Variants in ELK3 observed in about 807,000 individuals in gnomAD.
ELK3 encodes the protein ETS domain-containing protein Elk-3.
ELK3 carries 10 observed loss-of-function variants against 28.9 expected under a neutral mutation model. The observed-to-expected ratio is 0.35, with a 90% confidence interval of 0.21 to 0.59. The LOEUF (loss-of-function observed/expected upper bound fraction) is 0.59. Ranked by LOEUF, ELK3 falls within the 20% of genes least tolerant of loss-of-function variation. The pLI, the probability that ELK3 is intolerant of heterozygous loss-of-function variation, is 0.82. For missense variants in ELK3, 463 were observed against 517.3 expected (o/e 0.90, Z 1.02); for synonymous variants, 272 against 243.5 (o/e 1.12, Z -1.09).
rs1462773010 is a variant in ELK3 at position 96,268,134 on chromosome 12, T to C, written c.*954T>C. 1 of 152,212 alleles carries C rather than the reference T, an allele frequency of 6.6e-6. No homozygotes were observed. The highest frequency in any genetic ancestry group is 1.5e-5 in the Non-Finnish European group (1 of 68,034). The allele number at this position is 152,212 out of a possible 1,614,324, so 9.4% of individuals were successfully genotyped here. ...GGAACTATAATTAACATTTAAAAAA[T>C]CTAATGCTTTAGAAGAAGCTCACAG... is the stretch of plus-strand genomic sequence containing the variant. On this transcript the variant is annotated 3_prime_UTR_variant, in exon 5 of 5. Coordinates refer to ENST00000228741, the MANE Select transcript of ELK3 (RefSeq NM_005230.4).
chr12:96,243,633 G>A (rs551438214), intron 2 of ELK3, among the ~76,000 whole-genome samples: 1 of 152,030 alleles, frequency 6.6e-6, no homozygotes. Context: ...GGCAGATCAC[G>A]AGGTCAGGAG....
intron 2 of ELK3, among the ~76,000 whole-genome samples, chr12:96,234,280 G>A (rs149223752): frequency 0.012 from 1,904 of 152,330 alleles, 19 homozygotes; most frequent in Non-Finnish European, 0.02. Flanking sequence ...TCAACACTGT[G>A]TTGATGAGGA....
intron 2 of ELK3, among the ~76,000 whole-genome samples, chr12:96,228,610 A>G (rs1034707467): frequency 6.6e-6 from 1 of 151,962 alleles, no homozygotes; most frequent in Non-Finnish European, 1.5e-5. Flanking sequence ...TCAGTTGCTT[A>G]TTTTCATATA....
chr12:96,214,185 C>G (rs1951594733), intron 1 of ELK3, among the ~76,000 whole-genome samples: 1 of 152,028 alleles, frequency 6.6e-6, no homozygotes, highest in Non-Finnish European at 1.5e-5. Flanking sequence ...AATCCCAGCA[C>G]TTTGGGAGGC....
At position 96,203,954 on chromosome 12, in the gene ELK3, A is replaced by G. The variant is rs755320584; in HGVS notation, c.-3+9249A>G. On this transcript the variant is annotated intron_variant, in intron 1 of 4. Coordinates refer to ENST00000228741, the MANE Select transcript of ELK3 (RefSeq NM_005230.4). ...AGACTGTGTCTCAAAATGAAAACCC[A>G]TAAAGACAGCCAAAAAGCTCCTCTA... 3.3e-5 allele frequency among the ~76,000 whole-genome samples: 5 copies of G among 152,194 alleles called. No homozygotes were observed. The East Asian group carries it at 5.8e-4, about 18-fold the overall frequency.
At chr12:96,213,314 A>ATCTT (rs1951589499) in intron 1 of ELK3, among the ~76,000 whole-genome samples, 1 of 152,204 alleles carries the variant, frequency 6.6e-6, no homozygotes, top group African/African-American at 2.4e-5. Context: ...TAAGCCCAGA[A>ATCTT]AGAACAAACT....
intron 4 of ELK3, among the ~76,000 whole-genome samples, chr12:96,263,795 G>A (rs1021046657): frequency 2.0e-5 from 3 of 152,146 alleles, no homozygotes; most frequent in Non-Finnish European, 4.4e-5. Context: ...TAGGAGATAA[G>A]GTTGGAAACG....
At chr12:96,215,871 C>T (rs902112941) in intron 1 of ELK3, among the ~76,000 whole-genome samples, 1 of 151,992 alleles carries the variant, frequency 6.6e-6, no homozygotes, top group Non-Finnish European at 1.5e-5. Flanking sequence ...TGGGCTCAAG[C>T]GATCCACCCA....
chr12:96,203,477 G>C (rs771266867), intron 1 of ELK3, among the ~76,000 whole-genome samples: 1 of 152,178 alleles, frequency 6.6e-6, no homozygotes, highest in Non-Finnish European at 1.5e-5. Flanking sequence ...TACAATACCT[G>C]GCACTCAATG....
intron 4 of ELK3, among the ~76,000 whole-genome samples, chr12:96,261,727 T>C (rs558375063): frequency 4.5e-4 from 69 of 152,306 alleles, no homozygotes; most frequent in African/African-American, 1.6e-3. Flanking sequence ...TGGAGCACTA[T>C]TGGCTGGGGG....
At chr12:96,240,825 C>T (rs1166873699) in intron 2 of ELK3, among the ~76,000 whole-genome samples, 3 of 152,162 alleles carry the variant, frequency 2.0e-5, no homozygotes, top group Admixed American at 1.3e-4. Flanking sequence ...AGGCCTGGCT[C>T]CTCGCGGGGA....
chr12:96,202,109 C>T (rs1951511214), intron 1 of ELK3, among the ~76,000 whole-genome samples: 1 of 152,184 alleles, frequency 6.6e-6, no homozygotes, highest in African/African-American at 2.4e-5. Flanking sequence ...TTCTTACATT[C>T]CTCTGCACCC....
chr12:96,266,357 G>A (rs1281944885), intron 4 of ELK3, among the ~76,000 whole-genome samples: 1 of 152,142 alleles, frequency 6.6e-6, no homozygotes, highest in East Asian at 1.9e-4. Flanking sequence ...CTAGTTGCAA[G>A]TAGTCACATA....
At chr12:96,217,106 C>T (rs1951624364) in intron 1 of ELK3, among the ~76,000 whole-genome samples, 1 of 152,186 alleles carries the variant, frequency 6.6e-6, no homozygotes, top group African/African-American at 2.4e-5. Flanking sequence ...AAGAAATGAG[C>T]AGGGCGTGGT....
At chr12:96,213,486 G>A (rs940979007) in intron 1 of ELK3, among the ~76,000 whole-genome samples, 2 of 152,162 alleles carry the variant, frequency 1.3e-5, no homozygotes, top group African/African-American at 4.8e-5. Context: ...TTAGGGTGGG[G>A]TGCGGTGAAT....
chr12:96,201,447 C>T (rs150566516), intron 1 of ELK3, among the ~76,000 whole-genome samples: 35 of 151,860 alleles, frequency 2.3e-4, no homozygotes, highest in African/African-American at 8.5e-4. Flanking sequence ...ATAGTGAGAC[C>T]CCATCTCTGC....
intron 1 of ELK3, among the ~76,000 whole-genome samples, chr12:96,196,747 G>GTTTTTTTTTTTTTTT (rs56206854): frequency 7.3e-6 from 1 of 137,240 alleles, no homozygotes. Flanking sequence ...CTCTAAAAGT[G>GTTTTTTTTTTTTTTT]TTTTTTTTTT....
At chr12:96,251,563 T>C (rs1385305322) in intron 3 of ELK3, among the ~76,000 whole-genome samples, 1 of 151,916 alleles carries the variant, frequency 6.6e-6, no homozygotes, top group East Asian at 1.9e-4. Flanking sequence ...CAGTTAAGTA[T>C]GTAAATGTAA....
At chr12:96,235,261 G>C (rs1951773861) in intron 2 of ELK3, among the ~76,000 whole-genome samples, 1 of 137,584 alleles carries the variant, frequency 7.3e-6, no homozygotes, top group African/African-American at 2.8e-5. Context: ...CTTCTTGCCT[G>C]GCTCACTCCT....
Sources: allele counts gnomAD v4.1 joint callset (sites outside exome capture counted in the v4.1 genomes callset), GRCh38; gene constraint gnomAD v4.1.1; transcripts MANE v1.5; gene names NCBI Gene and HGNC (gene_info 2026-07-23, HGNC 2026-07-21).